The following PKHD1L1 variants were observed in gnomAD, a reference collection of about 807,000 sequenced individuals.
The protein encoded by PKHD1L1 is PKHD1 like 1, also known as fibrocystin-L.
PKHD1L1 carries 434 observed loss-of-function variants against 462.9 expected under a neutral mutation model. That is an observed-to-expected ratio of 0.94 (90% confidence interval 0.87 to 1.02). PKHD1L1 has a LOEUF of 1.02. Among genes scored for constraint, PKHD1L1 ranks in the 50% least tolerant of loss-of-function variants. The pLI is 0.00. For missense variants in PKHD1L1, 5,202 were observed against 5,096.1 expected, an observed-to-expected ratio of 1.02 and a Z score of -0.63; for synonymous variants, 1,781 against 1,750.0, an observed-to-expected ratio of 1.02 and a Z score of -0.44.
intron 21 of PKHD1L1, among the ~76,000 whole-genome samples, chr8:109,417,985 A>G (rs1013147359): frequency 6.6e-6 from 1 of 152,220 alleles, no homozygotes; most frequent in Non-Finnish European, 1.5e-5. Flanking sequence ...AAATTGTTCT[A>G]CAACCTTCCA....
At chr8:109,389,297 C>T (rs1586411532) in intron 8 of PKHD1L1, 145 bp downstream of exon 8, 1 of 559,414 alleles carries the variant, frequency 1.8e-6, no homozygotes, top group East Asian at 3.1e-5. Context: ...TTTTCCTTGG[C>T]TTCTTTTCAC....
At chr8:109,374,212 T>C (rs547808456) in intron 2 of PKHD1L1, among the ~76,000 whole-genome samples, 1 of 152,346 alleles carries the variant, frequency 6.6e-6, no homozygotes, top group South Asian at 2.1e-4. Flanking sequence ...ATATTTAGGA[T>C]AGTTAGCTCT....
intron 31 of PKHD1L1, among the ~76,000 whole-genome samples, 186 bp from the exon 32 acceptor site, chr8:109,438,711 A>T (rs1451347607): frequency 6.6e-6 from 1 of 151,906 alleles, no homozygotes; most frequent in Non-Finnish European, 1.5e-5. Flanking sequence ...GAGCAATTGA[A>T]TGTACATTTC....
At chr8:109,405,199 G>T (rs1813472527) in intron 16 of PKHD1L1, 69 bp downstream of exon 16, 1 of 976,146 alleles carries the variant, frequency 1.0e-6, no homozygotes, top group Non-Finnish European at 1.4e-6. Context: ...AGTATTTGCT[G>T]TAGTCAAATT....
chr8:109,443,218 T>G lies in PKHD1L1; in HGVS notation c.4564+102T>G, dbSNP rs990489905. 8.1e-6 allele frequency: 9 copies of G among 1,108,082 alleles called. No homozygotes were observed. The African/African-American group carries it at 1.2e-4, about 15-fold the overall frequency. 68.6% of individuals were successfully genotyped at this position (1,108,082 alleles called of 1,614,324 possible). On this transcript the variant is annotated intron_variant, in intron 36 of 77. Coordinates refer to ENST00000378402, the MANE Select transcript of PKHD1L1 (RefSeq NM_177531.6). ...ATAACTGGGTCTAACTGTGCTTCTA[T>G]CTTACTAGCCACGTGACCTTGAATA... is the stretch of plus-strand genomic sequence containing the variant.
intron 27 of PKHD1L1, among the ~76,000 whole-genome samples, chr8:109,430,372 C>A (rs941386382): frequency 6.6e-6 from 1 of 152,150 alleles, no homozygotes; most frequent in Non-Finnish European, 1.5e-5. Context: ...ACTGTACCAG[C>A]TAGGGTATTA....
At chr8:109,384,971 A>C (rs1812360395) in intron 5 of PKHD1L1, among the ~76,000 whole-genome samples, 1 of 151,992 alleles carries the variant, frequency 6.6e-6, no homozygotes, top group African/African-American at 2.4e-5. Context: ...TATATGTAAG[A>C]CATATATTTT....
rs751088505 is a variant in PKHD1L1 at position 109,508,171 on chromosome 8, A to G, written c.11302A>G (p.Met3768Val). 6.8e-6 allele frequency: 11 copies of G among 1,613,172 alleles called. No individual in the cohort carries two copies. The highest frequency in any genetic ancestry group is 6.6e-5 in the South Asian group (6 of 91,048). ...TCAGTGCTTTGGGATGGAATATGCA[A>G]TGATGGTTATTGAAAGTCTGGATCC... The part of the protein sequence containing the change: ...SYQCFGMEYA[M>V]MVIESLDPDT... Residue 3768 changes from methionine (M) to valine (V), a missense_variant, in exon 70 of 78, where the codon ATG becomes GTG. Physicochemically the swap from Met to Val is conservative, Grantham distance 21 (BLOSUM62 1). Transcript: ENST00000378402.
chr8:109,410,307 G>T (rs1203754806), intron 19 of PKHD1L1, among the ~76,000 whole-genome samples: 1 of 152,126 alleles, frequency 6.6e-6, no homozygotes, highest in African/African-American at 2.4e-5. Flanking sequence ...ACCTTAGACT[G>T]GGTAATTTAG....
intron 17 of PKHD1L1, among the ~76,000 whole-genome samples, chr8:109,407,132 G>A (rs1175172538): frequency 5.3e-5 from 8 of 152,074 alleles, no homozygotes; most frequent in Non-Finnish European, 4.4e-5. Context: ...AGCTCAGAAA[G>A]TAGGTCCCTG....
In PKHD1L1 at chr8:109,476,436, A is replaced by G. The variant is rs1294746688; in HGVS notation, c.8758-72A>G. The stretch of plus-strand genomic sequence containing the variant: ...TTAACATAATATAGGGGCTAATTAT[A>G]TGTCATTAAAATTAATGTGTTATAC... On this transcript the variant is annotated intron_variant, in intron 51 of 77. Transcript: ENST00000378402. 2.0e-5 allele frequency: 21 copies of G among 1,035,838 alleles called. No individual in the cohort carries two copies. In the East Asian group the frequency reaches 5.2e-4, roughly 25 times the overall value. The allele number at this position is 1,035,838 out of a possible 1,614,324, so 64.2% of individuals were successfully genotyped here.
At chr8:109,458,048 G>C (rs906387411) in intron 46 of PKHD1L1, among the ~76,000 whole-genome samples, 40 of 152,102 alleles carry the variant, frequency 2.6e-4, no homozygotes, top group African/African-American at 8.0e-4. Context: ...TTGTTCTCCT[G>C]TCTCCTGTAG....
chr8:109,441,430 T>C, intron 34 of PKHD1L1, 51 bp downstream of exon 34: 2 of 999,694 alleles, frequency 2.0e-6, no homozygotes, highest in South Asian at 3.2e-5. Flanking sequence ...AAACCTGAAA[T>C]TAATTTGATT....
intron 71 of PKHD1L1, among the ~76,000 whole-genome samples, chr8:109,512,471 G>A (rs1366891511): frequency 6.6e-6 from 1 of 152,220 alleles, no homozygotes; most frequent in South Asian, 2.1e-4. Flanking sequence ...CCCATTGCTT[G>A]TTTTTCTCGG....
rs763672704 is a variant in PKHD1L1, at chr8:109,464,322, A to G, written c.7490A>G (p.Gln2497Arg). Residue 2497 changes from glutamine to arginine, a missense_variant, in exon 49 of 78, where the codon CAG (glutamine) becomes CGG (arginine). By Grantham distance (43) the Gln-to-Arg change is conservative. Coordinates refer to ENST00000378402, the MANE Select transcript of PKHD1L1 (RefSeq NM_177531.6). ...KSYVRGCAIH[Q>R]AYNRAVTIHN... ...TATGTAAGAGGCTGTGCAATTCACC[A>G]GGCCTATAACAGAGCTGTTACTATT... 1 of 1,613,246 alleles carries G rather than the reference A, an allele frequency of 6.2e-7. No homozygotes were observed. Among genetic ancestry groups the G allele is most frequent in the Non-Finnish European group, 8.5e-7 (1 of 1,179,520 alleles).
intron 41 of PKHD1L1, 54 bp from the exon 42 acceptor site, chr8:109,452,070 T>G: frequency 6.6e-7 from 1 of 1,513,200 alleles, no homozygotes; most frequent in Non-Finnish European, 8.9e-7. Flanking sequence ...TTTGACAGTG[T>G]GATCTAGATA....
intron 9 of PKHD1L1, 69 bp downstream of exon 9, chr8:109,390,563 T>A: frequency 1.1e-6 from 1 of 934,924 alleles, no homozygotes; most frequent in Non-Finnish European, 1.5e-6. Context: ...AATGTATATT[T>A]AGTTTGTGCT....
At position 109,413,926 on chromosome 8, in the gene PKHD1L1, GA is replaced by G. The variant is rs1480500425; in HGVS notation, c.2360+389del. 3.3e-5 allele frequency among the ~76,000 whole-genome samples: 5 copies of G among 151,438 alleles called. No homozygotes were observed. The South Asian group carries it at 6.2e-4, about 19-fold the overall frequency. On this transcript the variant is annotated intron_variant, in intron 21 of 77. Coordinates refer to ENST00000378402, the MANE Select transcript of PKHD1L1 (RefSeq NM_177531.6). The stretch of plus-strand genomic sequence containing the variant: ...ATATAGTCATTATAGTTTGATCACT[GA>G]AAAAAAAGGAAGTAGAGAGATTTTG...
chr8:109,385,483 GTA>G, intron 5 of PKHD1L1, 52 bp from the exon 6 acceptor site: 1 of 1,174,478 alleles, frequency 8.5e-7, no homozygotes, highest in Non-Finnish European at 1.2e-6. Flanking sequence ...CGTATTAAGT[GTA>G]TGGATAGATT....
Sources: allele counts gnomAD v4.1 joint callset (sites outside exome capture counted in the v4.1 genomes callset), GRCh38; gene constraint gnomAD v4.1.1; transcripts MANE v1.5; gene names NCBI Gene and HGNC (gene_info 2026-07-23, HGNC 2026-07-21).